The following RALGPS1 variants were observed in gnomAD, a reference collection of about 807,000 sequenced individuals.
The protein encoded by RALGPS1 is Ral GEF with PH domain and SH3 binding motif 1.
RALGPS1 carries 19 observed loss-of-function variants against 78.8 expected under a neutral mutation model. The observed-to-expected ratio is 0.24, with a 90% CI of 0.17 to 0.35. RALGPS1 has a LOEUF of 0.35. Among genes scored for constraint, RALGPS1 ranks in the 10% least tolerant of loss-of-function variants. The pLI, the probability that RALGPS1 is intolerant of heterozygous loss-of-function variation, is 1.00. For synonymous variants in RALGPS1, 228 were observed against 256.3 expected, an observed-to-expected ratio of 0.89 and a Z score of 1.06; for missense variants, 454 against 688.3, an observed-to-expected ratio of 0.66 and a Z score of 3.81.
At chr9:126,941,984 A>T in intron 1 of RALGPS1, among the ~76,000 whole-genome samples, 1 of 152,176 alleles carries the variant, frequency 6.6e-6, no homozygotes, top group Non-Finnish European at 1.5e-5. Flanking sequence ...AATAGCTCAT[A>T]TTAATCCTCA....
chr9:127,037,030 T>C (rs1389349853), intron 5 of RALGPS1, among the ~76,000 whole-genome samples: 1 of 152,238 alleles, frequency 6.6e-6, no homozygotes, highest in Non-Finnish European at 1.5e-5. Context: ...TGATCTTGGG[T>C]TGGCTTTTGG....
chr9:126,916,142 C>T (rs1002084223), intron 1 of RALGPS1, among the ~76,000 whole-genome samples: 1 of 152,060 alleles, frequency 6.6e-6, no homozygotes. Context: ...TTTCTTGTGC[C>T]GATGGGCAGG....
chr9:126,945,939 A>T (rs1169015994), intron 1 of RALGPS1, among the ~76,000 whole-genome samples: 1 of 152,208 alleles, frequency 6.6e-6, no homozygotes, highest in African/African-American at 2.4e-5. Flanking sequence ...TGCTTTAGAT[A>T]TAGGAAAATG....
At chr9:127,017,147 G>A (rs2044916824) in intron 4 of RALGPS1, among the ~76,000 whole-genome samples, 1 of 152,130 alleles carries the variant, frequency 6.6e-6, no homozygotes, top group African/African-American at 2.4e-5. Context: ...ACTTAAAGAT[G>A]GGATGCATCA....
intron 7 of RALGPS1, among the ~76,000 whole-genome samples, chr9:127,063,015 GGAATT>G (rs2049357114): frequency 6.6e-6 from 1 of 152,154 alleles, no homozygotes; most frequent in Non-Finnish European, 1.5e-5. Flanking sequence ...AGTAGACACT[GGAATT>G]GAAATGGAAT....
intron 11 of RALGPS1, 141 bp from the exon 12 acceptor site, chr9:127,194,950 T>C (rs2061272877): frequency 2.1e-6 from 2 of 956,002 alleles, no homozygotes; most frequent in African/African-American, 1.6e-5. Flanking sequence ...AGAGCTCATA[T>C]GAACCTTGCC....
chr9:127,033,362 G>A (rs993710041), intron 4 of RALGPS1, among the ~76,000 whole-genome samples: 1 of 152,084 alleles, frequency 6.6e-6, no homozygotes, highest in Non-Finnish European at 1.5e-5. Flanking sequence ...TGACAGGCGT[G>A]GCCCTTCAGA....
chr9:127,066,725 C>A (rs1047289996), intron 7 of RALGPS1, among the ~76,000 whole-genome samples: 2 of 152,278 alleles, frequency 1.3e-5, no homozygotes, highest in East Asian at 3.9e-4. Context: ...TGTTCATTGG[C>A]AAATTTCTCA....
intron 8 of RALGPS1, among the ~76,000 whole-genome samples, chr9:127,155,736 T>G (rs370989879): frequency 1.5e-4 from 23 of 152,284 alleles, no homozygotes; most frequent in East Asian, 1.2e-3. Context: ...TAGGAAGCAC[T>G]AACAGATTGG....
chr9:127,053,321 CT>C lies in RALGPS1; in HGVS notation c.483+383del, dbSNP rs1322826734. Among the ~76,000 whole-genome samples, 3 of 152,198 alleles carry C rather than the reference CT, an allele frequency of 2.0e-5. No homozygotes were observed. In the East Asian group the frequency reaches 5.8e-4, roughly 29 times the overall value. On this transcript the variant is annotated intron_variant, in intron 7 of 18. Transcript: ENST00000259351. ...GATGGTTCGCAGCTGCCCTGGGTCACTAGCCATACCGCTAAGTTTCTCTGGA... is the reference window on the plus strand; with the variant it reads ...GATGGTTCGCAGCTGCCCTGGGTCACAGCCATACCGCTAAGTTTCTCTGGA...
chr9:127,175,663 C>T (rs2059820472), intron 11 of RALGPS1, among the ~76,000 whole-genome samples: 1 of 146,992 alleles, frequency 6.8e-6, no homozygotes, highest in Admixed American at 6.9e-5. Context: ...AGTGACTTAA[C>T]CCCTTTGGGC....
At chr9:126,959,402 T>C (rs1304001553) in intron 1 of RALGPS1, among the ~76,000 whole-genome samples, 2 of 152,130 alleles carry the variant, frequency 1.3e-5, no homozygotes, top group African/African-American at 4.8e-5. Flanking sequence ...AAATCTTTTG[T>C]GGAGCTGCTT....
chr9:127,013,783 G>A (rs1381237878), intron 4 of RALGPS1, among the ~76,000 whole-genome samples: 1 of 152,046 alleles, frequency 6.6e-6, no homozygotes, highest in East Asian at 1.9e-4. Context: ...ACCCTCTTCT[G>A]GCCTCCCGAC....
intron 18 of RALGPS1, chr9:127,217,222 T>A (rs1199450905): frequency 5.7e-6 from 7 of 1,221,274 alleles, no homozygotes; most frequent in Admixed American, 8.5e-5. Flanking sequence ...TTTGTCTGAT[T>A]TTCAGACCTG....
intron 8 of RALGPS1, among the ~76,000 whole-genome samples, chr9:127,142,214 C>T (rs80281573): frequency 5.8e-4 from 88 of 152,290 alleles, no homozygotes; most frequent in African/African-American, 2.0e-3. Context: ...TTAGGGGATC[C>T]GTCCTTACAG....
intron 7 of RALGPS1, among the ~76,000 whole-genome samples, chr9:127,058,802 G>A (rs544394988): frequency 6.6e-6 from 1 of 152,152 alleles, no homozygotes; most frequent in Non-Finnish European, 1.5e-5. Flanking sequence ...TACCCCACAC[G>A]TGTGCACACA....
chr9:127,089,928 G>A (rs1488698118), intron 8 of RALGPS1, among the ~76,000 whole-genome samples: 2 of 152,304 alleles, frequency 1.3e-5, no homozygotes, highest in East Asian at 1.9e-4. Context: ...AGGGGACCCC[G>A]TACTCAGGGG....
intron 8 of RALGPS1, among the ~76,000 whole-genome samples, chr9:127,120,362 C>T (rs1303552361): frequency 1.3e-5 from 2 of 152,198 alleles, no homozygotes; most frequent in African/African-American, 4.8e-5. Context: ...TTCTAGGATG[C>T]AGGCATGCTG....
intron 1 of RALGPS1, among the ~76,000 whole-genome samples, chr9:126,940,115 CT>C (rs2036620405): frequency 6.6e-6 from 1 of 152,122 alleles, no homozygotes; most frequent in Admixed American, 6.5e-5. Context: ...CTGACCCCTC[CT>C]TTTCCAAGCA....
Sources: gnomAD v4.1 joint callset for allele counts (sites outside exome capture counted in the v4.1 genomes callset) on GRCh38, gnomAD v4.1.1 for gene constraint, MANE v1.5 for transcripts, NCBI Gene and HGNC (gene_info 2026-07-23, HGNC 2026-07-21) for gene names.